The following AOPEP variants were observed in gnomAD, a reference collection of about 807,000 sequenced individuals.
The protein encoded by AOPEP is aminopeptidase O (putative).
A neutral mutation model predicts 98.1 loss-of-function variants in AOPEP; 77 were observed. The ratio of observed to expected loss-of-function variants is 0.78; its 90% CI spans 0.65 to 0.95. AOPEP has a LOEUF of 0.95. Ranked by LOEUF, AOPEP falls within the 40% of genes least tolerant of loss-of-function variation. The pLI is 0.00. For synonymous variants in AOPEP, 346 were observed against 365.3 expected, an observed-to-expected ratio of 0.95 and a Z score of 0.60; for missense variants, 1,024 against 1,024.7, an observed-to-expected ratio of 1.00 and a Z score of 0.01.
chr9:94,865,511 T>C (rs1031330993), intron 5 of AOPEP, among the ~76,000 whole-genome samples: 3 of 152,222 alleles, frequency 2.0e-5, no homozygotes, highest in African/African-American at 7.2e-5. Context: ...CATAGGCATA[T>C]TGGTGTTATA....
the AOPEP span, among the ~76,000 whole-genome samples, chr9:95,108,628 C>A: frequency 2.6e-5 from 4 of 152,118 alleles, no homozygotes; most frequent in Non-Finnish European, 4.4e-5. Context: ...TAAAAGCTTT[C>A]TTTTCTTTTT....
chr9:94,817,256 T>C (rs6479572), intron 5 of AOPEP, among the ~76,000 whole-genome samples: 130,668 of 152,164 alleles, frequency 0.86, 56,254 homozygotes, highest in Non-Finnish European at 0.89. Flanking sequence ...CTGTGTGCCT[T>C]GGCCTCCCAC....
intron 11 of AOPEP, among the ~76,000 whole-genome samples, chr9:94,999,474 C>T (rs1589216847): frequency 6.6e-6 from 1 of 152,116 alleles, no homozygotes; most frequent in Non-Finnish European, 1.5e-5. Context: ...GATGCTGATA[C>T]CAGGAAGAAG....
intron 3 of AOPEP, among the ~76,000 whole-genome samples, chr9:94,777,649 T>TTG (rs1842439767): frequency 7.3e-6 from 1 of 137,458 alleles, no homozygotes; most frequent in Admixed American, 7.7e-5. Flanking sequence ...TTTTTTTTTT[T>TTG]TTGAGACAGT....
chr9:95,094,191 A>G, the AOPEP span, among the ~76,000 whole-genome samples: 5 of 152,206 alleles, frequency 3.3e-5, no homozygotes, highest in African/African-American at 1.2e-4. Flanking sequence ...GCGCCGGCAT[A>G]TCCACGGGGA....
At chr9:94,890,200 GT>G (rs2048724955) in intron 5 of AOPEP, among the ~76,000 whole-genome samples, 1 of 149,286 alleles carries the variant, frequency 6.7e-6, no homozygotes, top group Admixed American at 6.7e-5. Flanking sequence ...GCTAATTTTT[GT>G]GGTTTTTTTG....
chr9:95,016,245 AT>A (rs532120566), intron 13 of AOPEP, among the ~76,000 whole-genome samples: 1,594 of 123,622 alleles, frequency 0.013, 26 homozygotes, highest in African/African-American at 0.047. Context: ...TTCTCTTGTG[AT>A]TTTTTTTTTT....
At chr9:94,863,852 C>T (rs2045400179) in intron 5 of AOPEP, among the ~76,000 whole-genome samples, 1 of 152,190 alleles carries the variant, frequency 6.6e-6, no homozygotes, top group African/African-American at 2.4e-5. Flanking sequence ...AAGGCCTGCA[C>T]CAACTGTCCT....
chr9:94,799,119 A>G (rs531897158), intron 4 of AOPEP, among the ~76,000 whole-genome samples: 3 of 152,250 alleles, frequency 2.0e-5, no homozygotes, highest in South Asian at 2.1e-4. Context: ...ACCTAGCCAT[A>G]TTGGTCTCCT....
rs2068202277 is a variant in AOPEP, at chr9:95,068,982, CCTG to C, written c.2232+8174_2232+8176del. On this transcript the variant is annotated intron_variant, in intron 14 of 16. Transcript: ENST00000375315. ...TCAAGGAGCTTTCTATGACTGCGCT[CCTG>C]CCACAGCCCTGTTCACTCCCTGTTG... Among the ~76,000 whole-genome samples, 3 of 152,236 alleles carry C rather than the reference CCTG, an allele frequency of 2.0e-5. No individual in the cohort carries two copies. The South Asian group carries it at 6.2e-4, about 32-fold the overall frequency.
chr9:95,063,917 C>A (rs1236891528), intron 14 of AOPEP, among the ~76,000 whole-genome samples: 8 of 146,934 alleles, frequency 5.4e-5, no homozygotes, highest in African/African-American at 1.3e-4. Context: ...AAGGCAGTTT[C>A]AAAAAAAAAA....
rs1002325253 is a variant in AOPEP at position 95,073,525 on chromosome 9, C to T, written c.2233-7169C>T. On this transcript the variant is annotated intron_variant, in intron 14 of 16. Transcript: ENST00000375315. The stretch of plus-strand genomic sequence containing the variant: ...GCAGGCCGGGCGCGGGGGCTCCCGC[C>T]TGTAATCCCAGAAGGCTGGGCGCAG... Among the ~76,000 whole-genome samples, 7 of 151,460 alleles carry T rather than the reference C, an allele frequency of 4.6e-5. No homozygotes were observed. The East Asian group carries it at 1.4e-3, about 30-fold the overall frequency.
chr9:94,850,599 C>A (rs1177077572), intron 5 of AOPEP, among the ~76,000 whole-genome samples: 3 of 152,206 alleles, frequency 2.0e-5, no homozygotes, highest in Admixed American at 6.5e-5. Flanking sequence ...GAGCTCACCG[C>A]CCGACTCCAG....
Position 94,841,660 on chromosome 9 carries a change from CT to C in AOPEP, c.1364+40665del, listed in dbSNP as rs545689531. ...GTTAATTCACTTACGTCAAAGGACA[CT>C]TTTTTTGTGATTTAAATTATTTTCT... On this transcript the variant is annotated intron_variant, in intron 5 of 16. Transcript: ENST00000375315. 7.6e-4 allele frequency among the ~76,000 whole-genome samples: 115 copies of C among 152,168 alleles called. No individual in the cohort carries two copies. The Middle Eastern group carries it at 0.027, about 36-fold the overall frequency.
chr9:94,964,104 C>T (rs2059030344), intron 9 of AOPEP, among the ~76,000 whole-genome samples: 1 of 152,170 alleles, frequency 6.6e-6, no homozygotes, highest in Admixed American at 6.5e-5. Flanking sequence ...ATATCGAACG[C>T]TATAGAAAGA....
At chr9:94,868,079 C>T (rs1473283838) in intron 5 of AOPEP, among the ~76,000 whole-genome samples, 1 of 152,178 alleles carries the variant, frequency 6.6e-6, no homozygotes, top group Non-Finnish European at 1.5e-5. Flanking sequence ...TTGTTGATGA[C>T]TAAGAAAAAT....
intron 7 of AOPEP, among the ~76,000 whole-genome samples, chr9:94,948,718 C>A (rs760783379): frequency 3.3e-5 from 5 of 152,214 alleles, no homozygotes; most frequent in Non-Finnish European, 7.3e-5. Context: ...GCAGTTCCCA[C>A]ATAGCAGGGC....
chr9:95,006,033 A>G (rs1182618217), intron 13 of AOPEP: 3 of 473,288 alleles, frequency 6.3e-6, no homozygotes, highest in Non-Finnish European at 8.7e-6. Flanking sequence ...AAATAGAGAG[A>G]GAAGAAGAAA....
intron 7 of AOPEP, among the ~76,000 whole-genome samples, chr9:94,929,441 G>A (rs578163315): frequency 6.3e-4 from 96 of 152,372 alleles, no homozygotes; most frequent in Non-Finnish European, 1.1e-3. Context: ...GGAGGGAGCT[G>A]GCTGGGACTT....
Sources: gnomAD v4.1 joint callset for allele counts (sites outside exome capture counted in the v4.1 genomes callset) on GRCh38, gnomAD v4.1.1 for gene constraint, MANE v1.5 for transcripts, NCBI Gene and HGNC (gene_info 2026-07-23, HGNC 2026-07-21) for gene names.